Variants in CPXM2 observed in about 807,000 individuals in gnomAD.
CPXM2 encodes the protein inactive carboxypeptidase-like protein X2.
A neutral mutation model predicts 86.1 loss-of-function variants in CPXM2; 66 were observed. The observed-to-expected ratio is 0.77, with a 90% CI of 0.63 to 0.94. The LOEUF is 0.94. Among genes scored for constraint, CPXM2 ranks in the 40% least tolerant of loss-of-function variants. The pLI is 0.00. For missense variants in CPXM2, 948 were observed against 1,026.3 expected, an observed-to-expected ratio of 0.92 and a Z score of 1.04; for synonymous variants, 388 against 400.2, an observed-to-expected ratio of 0.97 and a Z score of 0.36.
intron 4 of CPXM2, among the ~76,000 whole-genome samples, chr10:123,825,513 C>A (rs1189261197): frequency 1.3e-5 from 2 of 152,128 alleles, no homozygotes; most frequent in Non-Finnish European, 2.9e-5. Context: ...CGCCTTTGTG[C>A]AAGAGAAACA....
chr10:123,840,078 A>T (rs1264838676), intron 4 of CPXM2, among the ~76,000 whole-genome samples: 1 of 152,226 alleles, frequency 6.6e-6, no homozygotes, highest in African/African-American at 2.4e-5. Context: ...ATACAATAAT[A>T]ACCCGACTAC....
upstream of CPXM2, among the ~76,000 whole-genome samples, chr10:123,943,079 C>T (rs762000136): frequency 1.3e-5 from 2 of 152,114 alleles, no homozygotes; most frequent in East Asian, 1.9e-4. Flanking sequence ...TTTTAGTAAG[C>T]GAACTCTGAT....
Position 123,865,076 on chromosome 10 carries a change from C to A in CPXM2, c.404-2353G>T, listed in dbSNP as rs889668847. On this transcript the variant is annotated intron_variant, in intron 2 of 13. Transcript: ENST00000241305. The surrounding 1 kb of genome is among the most constrained non-coding windows in gnomAD (Gnocchi z 4.7). ...CTTGTCCACTCCTGTGATGGTGTCA[C>A]GGCAAAGCCAGAAACTTCACCCCCT... Among the ~76,000 whole-genome samples, 1 of 152,188 alleles carries A rather than the reference C, an allele frequency of 6.6e-6. No homozygotes were observed. The highest frequency in any genetic ancestry group is 2.4e-5 in the African/African-American group (1 of 41,444).
intron 2 of CPXM2, among the ~76,000 whole-genome samples, chr10:123,897,691 T>G (rs34826867): frequency 0.24 from 35,786 of 152,228 alleles, 5,015 homozygotes; most frequent in Middle Eastern, 0.33. Flanking sequence ...GTTCTGGAGC[T>G]GCTTCTGTGG....
intron 9 of CPXM2, among the ~76,000 whole-genome samples, chr10:123,767,801 C>T (rs1305054976): frequency 1.3e-5 from 2 of 152,084 alleles, no homozygotes; most frequent in African/African-American, 4.8e-5. Flanking sequence ...ATAACTGGAA[C>T]ACAAAATGTA....
intron 5 of CPXM2, 54 bp from the exon 6 acceptor site, chr10:123,798,180 G>T: frequency 1.4e-6 from 2 of 1,451,512 alleles, no homozygotes; most frequent in Non-Finnish European, 1.8e-6. Context: ...ATTACCAAGG[G>T]ATAAAAAGTC....
At chr10:123,936,066 ACCACTATC>A (rs1945716512) in intron 2 of CPXM2, among the ~76,000 whole-genome samples, 1 of 139,512 alleles carries the variant, frequency 7.2e-6, no homozygotes, top group Non-Finnish European at 1.6e-5. Context: ...CACCATCATC[ACCACTATC>A]TTTACCATCA....
chr10:123,936,078 A>T (rs141547810), intron 2 of CPXM2, among the ~76,000 whole-genome samples: 26 of 148,700 alleles, frequency 1.7e-4, no homozygotes, highest in Non-Finnish European at 2.7e-4. Flanking sequence ...CACTATCTTT[A>T]CCATCACCAC....
intron 4 of CPXM2, among the ~76,000 whole-genome samples, chr10:123,832,856 T>A (rs66919194): frequency 0.35 from 52,109 of 147,070 alleles, 11,024 homozygotes; most frequent in African/African-American, 0.6. Context: ...TCTTTGGGGG[T>A]AGAGCAGAGC....
chr10:123,891,514 C>T lies in CPXM2; in HGVS notation c.146G>A (p.Arg49His), dbSNP rs761287092. The change falls in exon 1 of 14, where the codon CGC becomes CAC. Residue 49 changes from arginine to histidine, a missense_variant. Coordinates refer to ENST00000241305, the MANE Select transcript of CPXM2 (RefSeq NM_198148.3). The surrounding 1 kb of genome is among the most constrained non-coding windows in gnomAD (Gnocchi z 5.6). ...GAAGGTCTCGAGCTCGGGCTCCGGG[C>T]GCGCGTAGTAGGGCTCCCGGCTCCA... ...EIWSREPYYARPEPELETFSP... is the reference protein window; with the variant it reads ...EIWSREPYYAHPEPELETFSP... 3.2e-6 allele frequency: 5 copies of T among 1,547,912 alleles called. No individual in the cohort carries two copies. The South Asian group carries it at 3.6e-5, about 11-fold the overall frequency.
chr10:123,815,560 C>T (rs56062363), intron 4 of CPXM2, among the ~76,000 whole-genome samples: 41,788 of 151,974 alleles, frequency 0.27, 6,363 homozygotes, highest in East Asian at 0.49. Flanking sequence ...TGGCAACATC[C>T]CCTCCCCAGC....
upstream of CPXM2, among the ~76,000 whole-genome samples, chr10:123,894,590 T>C (rs984859441): frequency 2.0e-5 from 3 of 152,166 alleles, no homozygotes; most frequent in African/African-American, 7.2e-5. Flanking sequence ...TTTAGGAAGA[T>C]AGGGCGGCAA....
At chr10:123,855,022 C>T (rs1184883086) in intron 3 of CPXM2, among the ~76,000 whole-genome samples, 3 of 151,654 alleles carry the variant, frequency 2.0e-5, no homozygotes, top group African/African-American at 4.9e-5. Flanking sequence ...TGTATGTCTA[C>T]ACTGTAAGCT....
chr10:123,842,029 C>T lies in CPXM2; in HGVS notation c.653+320G>A, dbSNP rs1254262699. 3.9e-5 allele frequency among the ~76,000 whole-genome samples: 6 copies of T among 152,336 alleles called. No individual in the cohort carries two copies. The South Asian group carries it at 6.2e-4, about 16-fold the overall frequency. On this transcript the variant is annotated intron_variant, in intron 4 of 13. Coordinates refer to ENST00000241305, the MANE Select transcript of CPXM2 (RefSeq NM_198148.3). Reference sequence around the variant, plus strand: ...CTGCCTTGGGCTGTGCCCTGGCCACCAGTCAAGACACTAATATCTCGTCCC... The same window carrying T: ...CTGCCTTGGGCTGTGCCCTGGCCACTAGTCAAGACACTAATATCTCGTCCC...
intron 4 of CPXM2, among the ~76,000 whole-genome samples, chr10:123,837,257 CAGCAGAAGTT>C (rs757699142): frequency 2.0e-5 from 3 of 152,240 alleles, no homozygotes; most frequent in Admixed American, 6.5e-5. Flanking sequence ...GCCTGGCTCA[CAGCAGAAGTT>C]CCATCCATCT....
intron 6 of CPXM2, among the ~76,000 whole-genome samples, chr10:123,795,781 G>C (rs978281259): frequency 6.6e-6 from 1 of 152,162 alleles, no homozygotes; most frequent in African/African-American, 2.4e-5. Flanking sequence ...AGATTTCACA[G>C]TGTAACCCTG....
Position 123,833,282 on chromosome 10 carries a change from G to T in CPXM2, c.653+9067C>A, listed in dbSNP as rs556796077. On this transcript the variant is annotated intron_variant, in intron 4 of 13. Transcript: ENST00000241305. ...GGTAACACAGGCAAAGTGCCCAGCC[G>T]CCCTGGTGTAGGGAACCCATGTGCT... 2.0e-5 allele frequency among the ~76,000 whole-genome samples: 3 copies of T among 152,310 alleles called. No homozygotes were observed. In the South Asian group the frequency reaches 6.2e-4, roughly 32 times the overall value.
At chr10:123,911,228 C>T (rs1393225027) in intron 2 of CPXM2, among the ~76,000 whole-genome samples, 3 of 151,900 alleles carry the variant, frequency 2.0e-5, no homozygotes, top group Non-Finnish European at 4.4e-5. Context: ...TTGTGACTCT[C>T]TCATTTGGGA....
upstream of CPXM2, among the ~76,000 whole-genome samples, chr10:123,892,508 C>G (rs567817144): frequency 9.8e-4 from 150 of 152,290 alleles, 1 homozygote; most frequent in South Asian, 2.1e-3. Context: ...GTTCTTTATG[C>G]GGAGCCCAGG....
Sources: allele counts gnomAD v4.1 joint callset (sites outside exome capture counted in the v4.1 genomes callset), GRCh38; gene constraint gnomAD v4.1.1; non-coding constraint Gnocchi (gnomAD v3.1); transcripts MANE v1.5; gene names NCBI Gene and HGNC (gene_info 2026-07-23, HGNC 2026-07-21).